Variants in UBE4B observed in about 807,000 individuals in gnomAD.
The protein encoded by UBE4B is ubiquitination factor E4B.
UBE4B carries 27 observed loss-of-function variants against 148.1 expected under a neutral mutation model. The observed-to-expected ratio is 0.18, with a 90% CI of 0.13 to 0.25. The LOEUF (loss-of-function observed/expected upper bound fraction) is 0.25. Ranked by LOEUF, UBE4B falls within the 10% of genes least tolerant of loss-of-function variation. The pLI, the probability that UBE4B is intolerant of heterozygous loss-of-function variation, is 1.00. For missense variants in UBE4B, 1,170 were observed against 1,662.4 expected (o/e 0.70, Z 5.15); for synonymous variants, 596 against 619.3 (o/e 0.96, Z 0.56).
chr1:10,035,289 G>T (rs1643465322), intron 1 of UBE4B, among the ~76,000 whole-genome samples: 2 of 151,340 alleles, frequency 1.3e-5, no homozygotes, highest in Middle Eastern at 3.5e-3. Context: ...GAGCCACCGC[G>T]CCTGGCCTGT....
intron 1 of UBE4B, among the ~76,000 whole-genome samples, chr1:10,037,009 T>C (rs1286463268): frequency 6.6e-6 from 1 of 152,132 alleles, no homozygotes; most frequent in African/African-American, 2.4e-5. Flanking sequence ...CTGTCATAGA[T>C]CACCTAGAAT....
chr1:10,179,504 C>A lies in UBE4B; in HGVS notation c.3789C>A (p.Leu1263=). The change falls in exon 27 of 28, where the codon CTC becomes CTA. Residue 1263 remains leucine (L), a synonymous_variant. Transcript: ENST00000343090. ...MDRSIILRHL[L]NSPTDPFNRQ... is the part of the protein sequence containing the mutation. ...GCTCCATCATCCTGCGGCACCTGCT[C>A]AACTCCCCCACGGACCCCTTCAACC... The A allele has an allele frequency of 6.2e-7, 1 of 1,614,008 alleles. No homozygotes were observed. The highest frequency in any genetic ancestry group is 8.5e-7 in the Non-Finnish European group (1 of 1,180,032).
chr1:10,115,616 A>C (rs749559881), intron 7 of UBE4B, among the ~76,000 whole-genome samples: 5 of 152,194 alleles, frequency 3.3e-5, no homozygotes, highest in Non-Finnish European at 7.3e-5. Context: ...TAGTTTTCCA[A>C]AGTCTAAGGA....
intron 10 of UBE4B, 93 bp downstream of exon 10, chr1:10,122,169 C>G: frequency 1.3e-6 from 1 of 782,318 alleles, no homozygotes; most frequent in Non-Finnish European, 2.1e-6. Flanking sequence ...TGCCTGAATT[C>G]GAACATCCAT....
At chr1:10,088,328 A>G (rs1021949143) in intron 2 of UBE4B, among the ~76,000 whole-genome samples, 12 of 152,170 alleles carry the variant, frequency 7.9e-5, no homozygotes, top group African/African-American at 2.9e-4. Flanking sequence ...TTAAGATACC[A>G]TTGTTGTTCT....
At chr1:10,067,096 A>G (rs1271922053) in intron 1 of UBE4B, among the ~76,000 whole-genome samples, 1 of 152,156 alleles carries the variant, frequency 6.6e-6, no homozygotes, top group Non-Finnish European at 1.5e-5. Context: ...TTTCCCCACA[A>G]ACTGCTAAAA....
At chr1:10,132,587 T>A in intron 15 of UBE4B, 105 bp downstream of exon 15, 1 of 891,536 alleles carries the variant, frequency 1.1e-6, no homozygotes, top group East Asian at 2.6e-5. Context: ...GGGTACAGTA[T>A]TGAACAAGGT....
chr1:10,163,747 TTTA>T (rs1317597902), intron 23 of UBE4B, among the ~76,000 whole-genome samples: 2 of 151,704 alleles, frequency 1.3e-5, no homozygotes, highest in African/African-American at 2.4e-5. Context: ...ACTTACTATT[TTTA>T]TTATTAAATT....
intron 15 of UBE4B, 143 bp from the exon 16 acceptor site, chr1:10,134,845 G>A (rs1157647647): frequency 6.2e-6 from 4 of 645,828 alleles, no homozygotes; most frequent in African/African-American, 3.7e-5. Flanking sequence ...AGGCTAAGGT[G>A]GGAGGATTGC....
chr1:10,042,531 T>C (rs1274019960), intron 1 of UBE4B, among the ~76,000 whole-genome samples: 1 of 151,970 alleles, frequency 6.6e-6, no homozygotes, highest in Non-Finnish European at 1.5e-5. Context: ...CCTGTAATCC[T>C]AGCAACTCAG....
chr1:10,089,087 A>G (rs1024573059), intron 2 of UBE4B, among the ~76,000 whole-genome samples: 3 of 152,118 alleles, frequency 2.0e-5, no homozygotes, highest in African/African-American at 7.2e-5. Flanking sequence ...GCTCACTGCA[A>G]CCTCTGCCTC....
intron 1 of UBE4B, among the ~76,000 whole-genome samples, chr1:10,040,817 T>G (rs1049908818): frequency 6.6e-6 from 1 of 151,656 alleles, no homozygotes; most frequent in African/African-American, 2.4e-5. Flanking sequence ...ACGGGATTTC[T>G]CCATGTTGGC....
chr1:10,080,648 G>A (rs1224516985), intron 2 of UBE4B, among the ~76,000 whole-genome samples: 1 of 152,104 alleles, frequency 6.6e-6, no homozygotes, highest in Non-Finnish European at 1.5e-5. Flanking sequence ...CCAAGATATG[G>A]AAGCAACCTA....
chr1:10,151,859 G>C (rs1645980745), intron 21 of UBE4B, among the ~76,000 whole-genome samples: 2 of 151,886 alleles, frequency 1.3e-5, no homozygotes, highest in Admixed American at 1.3e-4. Flanking sequence ...TTATCTGAAT[G>C]GAATTATCTG....
chr1:10,150,229 A>C (rs1198714266), intron 20 of UBE4B, among the ~76,000 whole-genome samples: 1 of 152,074 alleles, frequency 6.6e-6, no homozygotes, highest in Non-Finnish European at 1.5e-5. Flanking sequence ...AAAAAACCCA[A>C]ATCATTGGTG....
rs70998351 is a variant in UBE4B at position 10,137,921 on chromosome 1, CTTTTTTTTTTTTT to C, written c.2363+735_2363+747del. Among the ~76,000 whole-genome samples the C allele has an allele frequency of 3.6e-3, 243 of 67,060 alleles. 2 individuals carry two copies. Among genetic ancestry groups the C allele is most frequent in the Middle Eastern group, 0.014 (1 of 72 alleles). The allele number at this position is 67,060 out of a possible 152,430, so 44.0% of individuals were successfully genotyped here. The stretch of plus-strand genomic sequence containing the variant: ...ACCTTGCTTAAATCACTTACTAATT[CTTTTTTTTTTTTT>C]TTTTTTTTTTTTTTTTTTGAGACGG... On this transcript the variant is annotated intron_variant, in intron 17 of 27. Coordinates refer to ENST00000343090, the MANE Select transcript of UBE4B (RefSeq NM_001105562.3).
chr1:10,158,905 G>A (rs574920658), intron 22 of UBE4B, among the ~76,000 whole-genome samples: 9 of 151,662 alleles, frequency 5.9e-5, no homozygotes, highest in Non-Finnish European at 1.5e-5. Context: ...AGCTACTTGG[G>A]AAGCTGAGGC....
rs183771579 is a variant in UBE4B at position 10,175,623 on chromosome 1, C to T, written c.3526-3021C>T. On this transcript the variant is annotated intron_variant, in intron 25 of 27. Coordinates refer to ENST00000343090, the MANE Select transcript of UBE4B (RefSeq NM_001105562.3). Reference sequence around the variant, plus strand: ...CCGAGATCGCGCCACTGCACTCCAGCCTGGGCGACAGAGCGAGACTCCGTC... The same window carrying T: ...CCGAGATCGCGCCACTGCACTCCAGTCTGGGCGACAGAGCGAGACTCCGTC... Among the ~76,000 whole-genome samples, 16 of 151,928 alleles carry T rather than the reference C, an allele frequency of 1.1e-4. No individual in the cohort carries two copies. In the East Asian group the frequency reaches 2.7e-3, roughly 26 times the overall value.
intron 20 of UBE4B, among the ~76,000 whole-genome samples, chr1:10,151,005 CA>C (rs1369637446): frequency 1.4e-5 from 2 of 141,768 alleles, no homozygotes; most frequent in Non-Finnish European, 3.1e-5. Context: ...ACTAAAAATA[CA>C]AAAAAAATTA....
Sources: gnomAD v4.1 joint callset for allele counts (sites outside exome capture counted in the v4.1 genomes callset) on GRCh38, gnomAD v4.1.1 for gene constraint, MANE v1.5 for transcripts, NCBI Gene and HGNC (gene_info 2026-07-23, HGNC 2026-07-21) for gene names.